The following CMIP variants were observed in gnomAD, a reference collection of about 807,000 sequenced individuals.
The protein encoded by CMIP is c-Maf inducing protein, also known as C-Maf-inducing protein.
In CMIP, 13 loss-of-function variants were observed where a neutral mutation model predicts 97.3. The observed-to-expected ratio is 0.13, with a 90% CI of 0.09 to 0.21. The LOEUF (loss-of-function observed/expected upper bound fraction) is 0.21, where lower values mean the gene tolerates loss of function less well. Among genes scored for constraint, CMIP ranks in the 10% least tolerant of loss-of-function variants. CMIP has a pLI of 1.00. For missense variants in CMIP, 847 were observed against 1,024.9 expected, an observed-to-expected ratio of 0.83 and a Z score of 2.37; for synonymous variants, 538 against 436.3, an observed-to-expected ratio of 1.23 and a Z score of -2.91.
chr16:81,691,144 A>G (rs184542187), intron 10 of CMIP, among the ~76,000 whole-genome samples: 7 of 152,166 alleles, frequency 4.6e-5, no homozygotes, highest in African/African-American at 9.6e-5. Context: ...AGTACCATCA[A>G]CCTCATAGCT....
At chr16:81,472,760 G>A (rs75292166) in intron 1 of CMIP, among the ~76,000 whole-genome samples, 4 of 152,344 alleles carry the variant, frequency 2.6e-5, no homozygotes, top group East Asian at 3.9e-4. Flanking sequence ...TGGAGAGGCC[G>A]TTGGGATGGT....
chr16:81,542,316 A>G (rs1222724141), intron 1 of CMIP, among the ~76,000 whole-genome samples: 1 of 152,172 alleles, frequency 6.6e-6, no homozygotes, highest in African/African-American at 2.4e-5. Flanking sequence ...AAATGCTCGG[A>G]CACCCCACCA....
chr16:81,449,453 G>A lies in CMIP; in HGVS notation c.300+3912G>A, dbSNP rs570925182. ...GCATGCCTACTGTGTGTCACTTGCT[G>A]AGCTAAGAGTTACACATCCACATGG... is the stretch of plus-strand genomic sequence containing the variant. On this transcript the variant is annotated intron_variant, in intron 1 of 20. Transcript: ENST00000537098. 1.2e-4 allele frequency among the ~76,000 whole-genome samples: 19 copies of A among 152,328 alleles called. No individual in the cohort carries two copies. The South Asian group carries it at 3.9e-3, about 32-fold the overall frequency.
At chr16:81,569,427 T>C (rs1175825708) in intron 1 of CMIP, among the ~76,000 whole-genome samples, 3 of 152,176 alleles carry the variant, frequency 2.0e-5, no homozygotes, top group Non-Finnish European at 4.4e-5. Flanking sequence ...TTTCCACCAC[T>C]GTTTGGTCCC....
chr16:81,673,474 C>T (rs777270126), intron 9 of CMIP, among the ~76,000 whole-genome samples: 6 of 152,116 alleles, frequency 3.9e-5, no homozygotes, highest in Admixed American at 2.0e-4. Flanking sequence ...CAAGATCACA[C>T]CACTGCACTC....
intron 3 of CMIP, among the ~76,000 whole-genome samples, chr16:81,637,907 T>A (rs995954060): frequency 4.6e-5 from 7 of 152,104 alleles, no homozygotes. Context: ...CTTCTCGCTG[T>A]GTCTCACATG....
intron 3 of CMIP, chr16:81,631,288 C>T (rs935216794): frequency 5.9e-5 from 9 of 152,328 alleles, no homozygotes; most frequent in African/African-American, 2.2e-4. Flanking sequence ...GATCACACAG[C>T]TAGAGACAGG....
chr16:81,686,834 C>T (rs1305645382), intron 10 of CMIP, among the ~76,000 whole-genome samples: 1 of 152,176 alleles, frequency 6.6e-6, no homozygotes, highest in African/African-American at 2.4e-5. Flanking sequence ...ACACACAGCA[C>T]GCAAACCGAT....
chr16:81,674,456 T>A (rs1467836439), intron 9 of CMIP, among the ~76,000 whole-genome samples: 1 of 151,898 alleles, frequency 6.6e-6, no homozygotes, highest in Non-Finnish European at 1.5e-5. Flanking sequence ...ATACCCAGAG[T>A]GTGCAGGAGC....
At chr16:81,600,892 G>A (rs1391797100) in intron 1 of CMIP, among the ~76,000 whole-genome samples, 1 of 152,214 alleles carries the variant, frequency 6.6e-6, no homozygotes. Flanking sequence ...GCTGTTGACT[G>A]TCTAAGCAGG....
In CMIP at chr16:81,567,225, C is replaced by A. The variant is rs74029185; in HGVS notation, c.301-40342C>A. 8.2e-3 allele frequency among the ~76,000 whole-genome samples: 1,252 copies of A among 152,346 alleles called. 9 individuals carry two copies. The highest frequency in any genetic ancestry group is 0.022 in the African/African-American group (910 of 41,584). On this transcript the variant is annotated intron_variant, in intron 1 of 20. Coordinates refer to ENST00000537098, the MANE Select transcript of CMIP (RefSeq NM_198390.3). ...CGAGGCTTTGCCGCCTGGCGGAAACCCCGCACCACGGGAGCTTGTGCTGCT... is the reference window on the plus strand; with the variant it reads ...CGAGGCTTTGCCGCCTGGCGGAAACACCGCACCACGGGAGCTTGTGCTGCT...
Position 81,711,185 on chromosome 16 carries a change from C to T in CMIP, c.*1386C>T, listed in dbSNP as rs890726076. The T allele has an allele frequency of 1.4e-4, 21 of 152,516 alleles. No homozygotes were observed. The highest frequency in any genetic ancestry group is 4.8e-4 in the African/African-American group (20 of 41,404). The allele number at this position is 152,516 out of a possible 1,614,324, so 9.4% of individuals were successfully genotyped here. On this transcript the variant is annotated 3_prime_UTR_variant, in exon 21 of 21. Coordinates refer to ENST00000537098, the MANE Select transcript of CMIP (RefSeq NM_198390.3). ...CGTTGATGGTTTATTTGGGGTCCCC[C>T]TCTCCCCCCAGCCCTTTTTTCTGTT...
rs142606730 is a variant in CMIP, at chr16:81,582,285, C to T, written c.301-25282C>T. ...TCTTCCCCAAATGTTCAGCCCAGTGCCTCCAGGAACCCCTCCTTGGAATAT... is the reference window on the plus strand; with the variant it reads ...TCTTCCCCAAATGTTCAGCCCAGTGTCTCCAGGAACCCCTCCTTGGAATAT... On this transcript the variant is annotated intron_variant, in intron 1 of 20. Coordinates refer to ENST00000537098, the MANE Select transcript of CMIP (RefSeq NM_198390.3). Among the ~76,000 whole-genome samples, 17 of 152,270 alleles carry T rather than the reference C, an allele frequency of 1.1e-4. No homozygotes were observed. In the East Asian group the frequency reaches 3.3e-3, roughly 29 times the overall value.
At chr16:81,634,079 T>G (rs1186138836) in intron 3 of CMIP, among the ~76,000 whole-genome samples, 1 of 152,216 alleles carries the variant, frequency 6.6e-6, no homozygotes, top group Non-Finnish European at 1.5e-5. Flanking sequence ...ACCTGGGAAC[T>G]CTCTAGAAAT....
intron 1 of CMIP, among the ~76,000 whole-genome samples, chr16:81,548,786 C>T (rs1436908750): frequency 4.6e-5 from 7 of 152,136 alleles, no homozygotes; most frequent in Admixed American, 2.0e-4. Flanking sequence ...TTCAAGGCTG[C>T]AGTGAGCTAC....
intron 1 of CMIP, among the ~76,000 whole-genome samples, chr16:81,454,746 A>T (rs1906441586): frequency 6.6e-6 from 1 of 152,250 alleles, no homozygotes; most frequent in Admixed American, 6.5e-5. Flanking sequence ...ACCATTGAAC[A>T]AAGCACATTG....
At chr16:81,642,244 C>G (rs1009108210) in intron 3 of CMIP, among the ~76,000 whole-genome samples, 2 of 152,200 alleles carry the variant, frequency 1.3e-5, no homozygotes, top group Admixed American at 1.3e-4. Flanking sequence ...TGTGCCCTGT[C>G]TCACCCTTCA....
chr16:81,540,980 T>C (rs1466470807), intron 1 of CMIP, among the ~76,000 whole-genome samples: 1 of 134,812 alleles, frequency 7.4e-6, no homozygotes, highest in African/African-American at 2.7e-5. Flanking sequence ...GCACCCGGCC[T>C]TTTTTTTTTT....
chr16:81,483,361 A>T (rs543706001), intron 1 of CMIP, among the ~76,000 whole-genome samples: 8 of 152,226 alleles, frequency 5.3e-5, no homozygotes, highest in African/African-American at 1.9e-4. Context: ...GTAAATGTGG[A>T]TGGAGCAGAA....
Sources: gnomAD v4.1 joint callset for allele counts (sites outside exome capture counted in the v4.1 genomes callset) on GRCh38, gnomAD v4.1.1 for gene constraint, MANE v1.5 for transcripts, NCBI Gene and HGNC (gene_info 2026-07-23, HGNC 2026-07-21) for gene names.